Variants in TCERG1L observed in about 807,000 individuals in gnomAD.
TCERG1L encodes transcription elongation regulator 1-like protein.
A neutral mutation model predicts 56.3 loss-of-function variants in TCERG1L; 37 were observed. The observed-to-expected ratio is 0.66, with a 90% CI of 0.51 to 0.87. The LOEUF is 0.87. TCERG1L is among the 40% of genes least tolerant of loss of function. The pLI is 0.00. For synonymous variants in TCERG1L, 324 were observed against 326.3 expected (o/e 0.99, Z 0.08); for missense variants, 799 against 774.2 (o/e 1.03, Z -0.38).
rs1410021939 is a variant in TCERG1L at position 131,267,791 on chromosome 10, C to A, written c.671-7347G>T. ...GGGAACCCCACTGCTGCTCCCACCA[C>A]CAGTCCTGCTGCCCTGTCCACCTCC... On this transcript the variant is annotated intron_variant, in intron 3 of 11. Transcript: ENST00000368642. The surrounding 1 kb of genome is among the most constrained non-coding windows in gnomAD (Gnocchi z 4.9). 6.6e-6 allele frequency among the ~76,000 whole-genome samples: 1 copy of A among 152,250 alleles called. No homozygotes were observed. The highest frequency in any genetic ancestry group is 1.5e-5 in the Non-Finnish European group (1 of 68,042).
chr10:131,287,423 T>C (rs1194878198), intron 3 of TCERG1L, among the ~76,000 whole-genome samples: 1 of 152,248 alleles, frequency 6.6e-6, no homozygotes, highest in Non-Finnish European at 1.5e-5. Context: ...GACAGATTCC[T>C]AGTTGTTTAA....
At chr10:131,251,901 C>T (rs1846115258) in intron 4 of TCERG1L, among the ~76,000 whole-genome samples, 1 of 152,190 alleles carries the variant, frequency 6.6e-6, no homozygotes, top group Admixed American at 6.5e-5. Context: ...TTTTACCTTC[C>T]CAAACAGAAA....
At chr10:131,211,834 A>C (rs982694991) in intron 4 of TCERG1L, among the ~76,000 whole-genome samples, 3 of 152,184 alleles carry the variant, frequency 2.0e-5, no homozygotes, top group African/African-American at 7.2e-5. Flanking sequence ...GGGAGCATCC[A>C]TTTCTCTGAT....
intron 7 of TCERG1L, among the ~76,000 whole-genome samples, chr10:131,143,497 C>G (rs1361918484): frequency 6.6e-6 from 1 of 152,176 alleles, no homozygotes; most frequent in East Asian, 1.9e-4. Context: ...CACCAAATGT[C>G]CCAGTGAAGT....
intron 4 of TCERG1L, among the ~76,000 whole-genome samples, chr10:131,243,423 A>C (rs1359883632): frequency 6.6e-6 from 1 of 152,184 alleles, no homozygotes; most frequent in African/African-American, 2.4e-5. Context: ...TCTACTAAAA[A>C]TACAGAAATT....
chr10:131,130,411 G>A lies in TCERG1L; in HGVS notation c.1259+3968C>T, dbSNP rs137965099. Among the ~76,000 whole-genome samples, 32 of 152,302 alleles carry A rather than the reference G, an allele frequency of 2.1e-4. No homozygotes were observed. The East Asian group carries it at 5.8e-3, about 28-fold the overall frequency. ...TCACATAGGGATTACAATTCCAGAT[G>A]AGGGTTAGGTGGACAGCTAGAGGAA... On this transcript the variant is annotated intron_variant, in intron 8 of 11. Coordinates refer to ENST00000368642, the MANE Select transcript of TCERG1L (RefSeq NM_174937.4).
rs556464463 is a variant in TCERG1L at position 131,165,276 on chromosome 10, C to A, written c.945+1521G>T. ...TTAAAGCACTCAGCCAGAAGCATCT[C>A]GCACAGTCTCCAGCGTGAGGGTGAA... On this transcript the variant is annotated intron_variant, in intron 5 of 11. Coordinates refer to ENST00000368642, the MANE Select transcript of TCERG1L (RefSeq NM_174937.4). 2.6e-5 allele frequency among the ~76,000 whole-genome samples: 4 copies of A among 152,260 alleles called. No homozygotes were observed. In the South Asian group the frequency reaches 8.3e-4, roughly 32 times the overall value.
intron 6 of TCERG1L, among the ~76,000 whole-genome samples, chr10:131,151,174 A>G (rs1845862056): frequency 6.6e-6 from 1 of 152,170 alleles, no homozygotes; most frequent in African/African-American, 2.4e-5. Flanking sequence ...TTCAAAACCA[A>G]TCATGCCTTT....
intron 4 of TCERG1L, among the ~76,000 whole-genome samples, chr10:131,205,018 C>T (rs1845501639): frequency 6.6e-6 from 1 of 152,146 alleles, no homozygotes; most frequent in South Asian, 2.1e-4. Flanking sequence ...ACCCCTGCCA[C>T]CCGGCTCTTT....
At chr10:131,116,665 C>T in intron 9 of TCERG1L, 134 bp downstream of exon 9, 2 of 1,239,050 alleles carry the variant, frequency 1.6e-6, no homozygotes, top group East Asian at 2.5e-5. Flanking sequence ...GACACATCAT[C>T]TCTCAGGCCA....
At chr10:131,147,107 G>A (rs548271368) in intron 6 of TCERG1L, among the ~76,000 whole-genome samples, 11 of 152,124 alleles carry the variant, frequency 7.2e-5, no homozygotes, top group African/African-American at 1.4e-4. Flanking sequence ...CAAGCAATGC[G>A]CACGGCCACA....
At chr10:131,264,262 C>T (rs964515050) in intron 3 of TCERG1L, among the ~76,000 whole-genome samples, 2 of 152,194 alleles carry the variant, frequency 1.3e-5, no homozygotes, top group African/African-American at 4.8e-5. Context: ...CACACCCTGC[C>T]CTTGCCACTT....
rs761569207 is a variant in TCERG1L, at chr10:131,260,316, G to A, written c.799C>T (p.Arg267Cys). 58 of 1,450,932 alleles carry A rather than the reference G, an allele frequency of 4.0e-5. No homozygotes were observed. The highest frequency in any genetic ancestry group is 1.9e-4 in the East Asian group (7 of 36,176). The allele number at this position is 1,450,932 out of a possible 1,614,324, so 89.9% of individuals were successfully genotyped here. A position where few individuals can be genotyped will look rare whatever the true frequency, so the allele number is the denominator to read the frequency against. ...RGPSPSSVQP[R>C]HFLTLAPIKI... is the part of the protein sequence containing the mutation. Reference sequence around the variant, plus strand: ...ATGGGTGCCAAGGTCAGGAAGTGGCGCGGCTGCACGCTGGAGGGGGACGGG... The same window carrying A: ...ATGGGTGCCAAGGTCAGGAAGTGGCACGGCTGCACGCTGGAGGGGGACGGG... The change falls in exon 4 of 12, where the codon CGC becomes TGC. Residue 267 changes from arginine (R) to cysteine (C), a missense_variant. By Grantham distance (180) the Arg-to-Cys change is radical. Coordinates refer to ENST00000368642, the MANE Select transcript of TCERG1L (RefSeq NM_174937.4). The surrounding 1 kb of genome is among the most constrained non-coding windows in gnomAD (Gnocchi z 5.8).
intron 8 of TCERG1L, 118 bp from the exon 9 acceptor site, chr10:131,117,052 C>T (rs1256750632): frequency 1.5e-6 from 2 of 1,331,712 alleles, no homozygotes; most frequent in Non-Finnish European, 2.0e-6. Flanking sequence ...TCCTTGACAA[C>T]TCTTTATAAA....
chr10:131,093,119 C>A lies in TCERG1L; in HGVS notation c.*43G>T. 6.3e-7 allele frequency: 1 copy of A among 1,595,286 alleles called. No individual in the cohort carries two copies. The highest frequency in any genetic ancestry group is 8.5e-7 in the Non-Finnish European group (1 of 1,170,158). ...CACCGTGACCCCCTCGCCCCCGGCA[C>A]GCCCAGGGTCAACCCCCGGGCTTAT... On this transcript the variant is annotated 3_prime_UTR_variant, in exon 12 of 12. Coordinates refer to ENST00000368642, the MANE Select transcript of TCERG1L (RefSeq NM_174937.4).
intron 4 of TCERG1L, among the ~76,000 whole-genome samples, chr10:131,227,955 G>A (rs1845810927): frequency 1.3e-5 from 2 of 152,020 alleles, no homozygotes; most frequent in Admixed American, 1.3e-4. Flanking sequence ...GTGCATTTCC[G>A]TCTTTGCCCT....
chr10:131,139,692 G>A (rs199508923), intron 7 of TCERG1L, among the ~76,000 whole-genome samples: 4 of 34,060 alleles, frequency 1.2e-4, no homozygotes. Context: ...GTGTGTGTCT[G>A]TGTGTGTGTG....
intron 3 of TCERG1L, among the ~76,000 whole-genome samples, chr10:131,278,289 G>GC (rs1011117842): frequency 6.6e-5 from 10 of 151,406 alleles, no homozygotes; most frequent in Admixed American, 2.6e-4. Context: ...ATGAGACGAG[G>GC]CCCCCCCTCC....
intron 3 of TCERG1L, among the ~76,000 whole-genome samples, chr10:131,271,099 C>T (rs1377089771): frequency 2.0e-5 from 3 of 152,212 alleles, no homozygotes; most frequent in Admixed American, 6.5e-5. Flanking sequence ...GCCCTGCCAC[C>T]GCCTTCTCTG....
Sources: allele counts gnomAD v4.1 joint callset (sites outside exome capture counted in the v4.1 genomes callset), GRCh38; gene constraint gnomAD v4.1.1; non-coding constraint Gnocchi (gnomAD v3.1); transcripts MANE v1.5; gene names NCBI Gene and HGNC (gene_info 2026-07-23, HGNC 2026-07-21).